The following SLITRK4 variants were observed in gnomAD, a reference collection of about 807,000 sequenced individuals.
SLITRK4 encodes the protein SLIT and NTRK like family member 4.
A neutral mutation model predicts 34.7 loss-of-function variants in SLITRK4; 7 were observed. That is an observed-to-expected ratio of 0.20 (90% CI 0.11 to 0.38). The LOEUF (loss-of-function observed/expected upper bound fraction) is 0.38, where lower values mean the gene tolerates loss of function less well. SLITRK4 is among the 10% of genes least tolerant of loss of function. The pLI, the probability that SLITRK4 is intolerant of heterozygous loss-of-function variation, is 1.00. For missense variants in SLITRK4, 474 were observed against 607.0 expected, an observed-to-expected ratio of 0.78 and a Z score of 2.30; for synonymous variants, 237 against 246.2, an observed-to-expected ratio of 0.96 and a Z score of 0.35.
At chrX:143,634,608 C>A (rs1931170385) in intron 1 of SLITRK4, 1 of 110,016 alleles carries the variant, frequency 9.1e-6, no homozygotes, top group South Asian at 3.9e-4. Context: ...CATGAGACCG[C>A]GTCGTAGGCA....
At chrX:143,635,156 C>CG (rs1263276535) in intron 1 of SLITRK4, 2 of 82,571 alleles carry the variant, frequency 2.4e-5, no homozygotes, top group Non-Finnish European at 4.7e-5. Context: ...CTCCACCACC[C>CG]CCCCCCACCC....
At position 143,630,293 on chromosome X, in the gene SLITRK4, C is replaced by G; in HGVS notation, c.816G>C (p.Val272=). 1 of 1,211,789 alleles carries G rather than the reference C, an allele frequency of 8.3e-7. No individual in the cohort carries two copies. The highest frequency in any genetic ancestry group is 1.1e-6 in the Non-Finnish European group (1 of 895,533). The change falls in exon 2 of 2, where the codon GTG becomes GTC. Residue 272 remains valine (V), a synonymous_variant. Transcript: ENST00000356928. ...CPMGTGSDFD[V]RILPPSQLEN... is the part of the protein sequence containing the mutation. ...CCAGCTGAGATGGAGGCAGGATGCG[C>G]ACGTCAAAATCACTGCCGGTGCCCA...
At chrX:143,632,201 G>A (rs1931061395) in intron 1 of SLITRK4, among the ~76,000 whole-genome samples, 1 of 111,618 alleles carries the variant, frequency 9.0e-6, no homozygotes, top group Admixed American at 9.5e-5. Flanking sequence ...CACCAAATAT[G>A]TTCAGTACAG....
chrX:143,629,929 C>T lies in SLITRK4; in HGVS notation c.1180G>A (p.Val394Ile), dbSNP rs140541543. The T allele has an allele frequency of 9.1e-6, 11 of 1,210,068 alleles. 1 individual carries two copies. Among genetic ancestry groups the T allele is most frequent in the South Asian group, 8.8e-5 (5 of 56,808 alleles). The change falls in exon 2 of 2, where the codon GTA becomes ATA. Residue 394 changes from valine to isoleucine, a missense_variant. Physicochemically the swap from Val to Ile is conservative, Grantham distance 29 (BLOSUM62 3). This residue lies in a region of SLITRK4 where 345 missense variants were observed against 406.5 expected (regional missense o/e 0.85). Transcript: ENST00000356928. ...CCTTCAAAGTCAGTGAAGTCTGATA[C>T]GTCCACATCCTTGATGCTATTGCCA... is the stretch of plus-strand genomic sequence containing the variant. ...VNGNSIKDVD[V>I]SDFTDFEGLD...
Position 143,627,897 on chromosome X carries a change from G to A in SLITRK4, c.*698C>T. The A allele has an allele frequency of 6.0e-6, 1 of 165,294 alleles. No homozygotes were observed. 13.6% of individuals were successfully genotyped at this position (165,294 alleles called of 1,213,427 possible). ...TCACAAATGCTATCTAACTCACGTT[G>A]ATTTTTTCTTTTAGATTTTTATGTA... On this transcript the variant is annotated 3_prime_UTR_variant, in exon 2 of 2. Coordinates refer to ENST00000356928, the MANE Select transcript of SLITRK4 (RefSeq NM_001184749.3).
rs1408368810 is a variant in SLITRK4 at position 143,624,915 on chromosome X, TA to T, written c.*3679del. On this transcript the variant is annotated 3_prime_UTR_variant, in exon 2 of 2. Coordinates refer to ENST00000356928, the MANE Select transcript of SLITRK4 (RefSeq NM_001184749.3). ...TCAAATCAGGGTAAAAACAATACAA[TA>T]TTTTTTTTACTTTATTTTAAAATAG... 2.7e-5 allele frequency: 3 copies of T among 111,396 alleles called. No individual in the cohort carries two copies. The highest frequency in any genetic ancestry group is 3.8e-5 in the Non-Finnish European group (2 of 52,793). 9.2% of individuals were successfully genotyped at this position (111,396 alleles called of 1,213,427 possible).
rs782529837 is a variant in SLITRK4 at position 143,630,494 on chromosome X, G to A, written c.615C>T (p.Val205=). The A allele has an allele frequency of 9.1e-6, 11 of 1,209,676 alleles. No homozygotes were observed. The highest frequency in any genetic ancestry group is 3.5e-5 in the South Asian group (2 of 56,798). ...GGTTATCTTCCAGTTGCAATTCAACGACACGGCCAATGTGTTCCAGAACCC... is the reference window on the plus strand; with the variant it reads ...GGTTATCTTCCAGTTGCAATTCAACAACACGGCCAATGTGTTCCAGAACCC... ...YIGVLEHIGR[V]VELQLEDNPW... Residue 205 remains valine (V), a synonymous_variant, in exon 2 of 2, where the codon GTC becomes GTT. Coordinates refer to ENST00000356928, the MANE Select transcript of SLITRK4 (RefSeq NM_001184749.3).
In SLITRK4 at chrX:143,623,947, C is replaced by T. The variant is rs1217714530; in HGVS notation, c.*4648G>A. ...AAATAAATAAAATAACACAATCCTACGGTGTATCTCCTCAGATGCATAAGG... is the reference window on the plus strand; with the variant it reads ...AAATAAATAAAATAACACAATCCTATGGTGTATCTCCTCAGATGCATAAGG... On this transcript the variant is annotated 3_prime_UTR_variant, in exon 2 of 2. Transcript: ENST00000356928. 2 of 111,837 alleles carry T rather than the reference C, an allele frequency of 1.8e-5. No individual in the cohort carries two copies. Among genetic ancestry groups the T allele is most frequent in the African/African-American group, 3.2e-5 (1 of 30,840 alleles). 9.2% of individuals were successfully genotyped at this position (111,837 alleles called of 1,213,427 possible). A position where few individuals can be genotyped will look rare whatever the true frequency, so the allele number is the denominator to read the frequency against.
intron 1 of SLITRK4, among the ~76,000 whole-genome samples, chrX:143,633,638 G>A (rs1254979182): frequency 9.0e-6 from 1 of 111,302 alleles, no homozygotes; most frequent in African/African-American, 3.3e-5. Context: ...GGAGAGAAGC[G>A]GCCTGAGGGG....
chrX:143,635,410 C>T (rs1469294948), intron 1 of SLITRK4, among the ~76,000 whole-genome samples: 2 of 103,135 alleles, frequency 1.9e-5, no homozygotes, highest in African/African-American at 7.1e-5. Flanking sequence ...GCGCACTCGC[C>T]TCCATCCCCC....
Position 143,627,922 on chromosome X carries a change from A to G in SLITRK4, c.*673T>C. ...GATTTTTTCTTTTAGATTTTTATGT[A>G]TAGACAGGTAATGCTTAAAGTGTTC... is the stretch of plus-strand genomic sequence containing the variant. On this transcript the variant is annotated 3_prime_UTR_variant, in exon 2 of 2. Transcript: ENST00000356928. 3 of 195,408 alleles carry G rather than the reference A, an allele frequency of 1.5e-5. No individual in the cohort carries two copies. The highest frequency in any genetic ancestry group is 2.8e-5 in the Non-Finnish European group (3 of 107,276). The allele number at this position is 195,408 out of a possible 1,213,427, so 16.1% of individuals were successfully genotyped here.
rs1233547855 is a variant in SLITRK4 at position 143,624,602 on chromosome X, A to G, written c.*3993T>C. 7.2e-5 allele frequency: 8 copies of G among 111,574 alleles called. No homozygotes were observed. The South Asian group carries it at 1.9e-3, about 26-fold the overall frequency. The allele number at this position is 111,574 out of a possible 1,213,427, so 9.2% of individuals were successfully genotyped here. A position where few individuals can be genotyped will look rare whatever the true frequency, so the allele number is the denominator to read the frequency against. On this transcript the variant is annotated 3_prime_UTR_variant, in exon 2 of 2. Transcript: ENST00000356928. Reference sequence around the variant, plus strand: ...TGAATATAAACAGTAGGCTAAAGCTATATCTTACCCTCAAATCTGGGTGAA... The same window carrying G: ...TGAATATAAACAGTAGGCTAAAGCTGTATCTTACCCTCAAATCTGGGTGAA...
In SLITRK4 at chrX:143,628,799, A is replaced by G. The variant is rs1569477727; in HGVS notation, c.2310T>C (p.Asn770=). 8.3e-7 allele frequency: 1 copy of G among 1,210,702 alleles called. No individual in the cohort carries two copies. Among genetic ancestry groups the G allele is most frequent in the Non-Finnish European group, 1.1e-6 (1 of 895,289 alleles). ...QNFLESKKEY[N]SIGVSGFEIR... ...TCTCAAAGCCACTGACACCTATGCT[A>G]TTATACTCCTTTTTGCTTTCAAGAA... Residue 770 remains asparagine, a synonymous_variant, in exon 2 of 2, where the codon AAT becomes AAC. Transcript: ENST00000356928.
rs1556426987 is a variant in SLITRK4 at position 143,629,795 on chromosome X, C to T, written c.1314G>A (p.Glu438=). The change falls in exon 2 of 2, where the codon GAG becomes GAA. Residue 438 remains glutamate (E), a synonymous_variant. Coordinates refer to ENST00000356928, the MANE Select transcript of SLITRK4 (RefSeq NM_001184749.3). Reference sequence around the variant, plus strand: ...CTGAAAATATTTCAGGATAGAGTCTCTCAATTTGATTGCCATTGAGATATA... The same window carrying T: ...CTGAAAATATTTCAGGATAGAGTCTTTCAATTTGATTGCCATTGAGATATA... ...RRLYLNGNQI[E]RLYPEIFSGL... is the part of the protein sequence containing the mutation. 1 of 1,209,907 alleles carries T rather than the reference C, an allele frequency of 8.3e-7. No homozygotes were observed. Among genetic ancestry groups the T allele is most frequent in the East Asian group, 3.0e-5 (1 of 33,803 alleles).
chrX:143,627,636 G>C lies in SLITRK4; in HGVS notation c.*959C>G, dbSNP rs1930838688. 4 of 111,032 alleles carry C rather than the reference G, an allele frequency of 3.6e-5. No homozygotes were observed. In the South Asian group the frequency reaches 1.5e-3, roughly 42 times the overall value. 9.2% of individuals were successfully genotyped at this position (111,032 alleles called of 1,213,427 possible). On this transcript the variant is annotated 3_prime_UTR_variant, in exon 2 of 2. Coordinates refer to ENST00000356928, the MANE Select transcript of SLITRK4 (RefSeq NM_001184749.3). ...CACTGTGATCAGGAAAACAAGTCAGGCATATTAAATACATATTAAGGAGTA... is the reference window on the plus strand; with the variant it reads ...CACTGTGATCAGGAAAACAAGTCAGCCATATTAAATACATATTAAGGAGTA...
In SLITRK4 at chrX:143,626,411, A is replaced by G. The variant is rs1556425459; in HGVS notation, c.*2184T>C. On this transcript the variant is annotated 3_prime_UTR_variant, in exon 2 of 2. Coordinates refer to ENST00000356928, the MANE Select transcript of SLITRK4 (RefSeq NM_001184749.3). The stretch of plus-strand genomic sequence containing the variant: ...GATGTCATAAAAATTAAAATTACAC[A>G]CTAAAGTTTTAAGAGCACCAGCACA... 1.8e-5 allele frequency: 2 copies of G among 110,873 alleles called. No homozygotes were observed. Among genetic ancestry groups the G allele is most frequent in the African/African-American group, 6.5e-5 (2 of 30,621 alleles). The allele number at this position is 110,873 out of a possible 1,213,427, so 9.1% of individuals were successfully genotyped here.
chrX:143,634,540 G>GGGGC lies in SLITRK4; in HGVS notation c.-51+1194_-51+1195insGCCC, dbSNP rs1491181854. 2.8e-3 allele frequency: 202 copies of GGGGC among 72,935 alleles called. 2 individuals are homozygous for GGGGC. Among genetic ancestry groups the GGGGC allele is most frequent in the South Asian group, 0.012 (18 of 1,443 alleles). 6.0% of individuals were successfully genotyped at this position (72,935 alleles called of 1,213,427 possible). A position where few individuals can be genotyped will look rare whatever the true frequency, so the allele number is the denominator to read the frequency against. On this transcript the variant is annotated intron_variant, in intron 1 of 1. Coordinates refer to ENST00000356928, the MANE Select transcript of SLITRK4 (RefSeq NM_001184749.3). ...CCGCCCTGGCCGCTTGGGGTATGGT[G>GGGGC]GGGGGGGGGGCGGGCAGCGATGCCA...
Position 143,628,586 on chromosome X carries a change from T to C in SLITRK4, c.*9A>G. On this transcript the variant is annotated 3_prime_UTR_variant, in exon 2 of 2. Coordinates refer to ENST00000356928, the MANE Select transcript of SLITRK4 (RefSeq NM_001184749.3). ...TAAATGTCCTCTGTATGAAGTAAGA[T>C]TACATGACCTAGATCTTGTTCAAAG... 5 of 1,151,514 alleles carry C rather than the reference T, an allele frequency of 4.3e-6. No homozygotes were observed. Among genetic ancestry groups the C allele is most frequent in the Non-Finnish European group, 5.8e-6 (5 of 863,589 alleles). The allele number at this position is 1,151,514 out of a possible 1,213,427, so 94.9% of individuals were successfully genotyped here.
Position 143,629,656 on chromosome X carries a change from G to A in SLITRK4, c.1453C>T (p.Leu485=). Residue 485 remains leucine (L), a synonymous_variant, in exon 2 of 2, where the codon CTA becomes TTA. Transcript: ENST00000356928. ...AAGATGTAAACAGGCAGGCTCTTTA[G>A]GAGATTATTGTTTAAGTACAGTAAC... The part of the protein sequence containing the change: ...LQLLYLNNNL[L]KSLPVYIFSG... The A allele has an allele frequency of 8.3e-7, 1 of 1,211,589 alleles. No individual in the cohort carries two copies. The highest frequency in any genetic ancestry group is 1.1e-6 in the Non-Finnish European group (1 of 895,508).
Sources: gnomAD v4.1 joint callset for allele counts (sites outside exome capture counted in the v4.1 genomes callset) on GRCh38, gnomAD v4.1.1 for gene constraint, gnomAD v4.1.1 regional missense constraint, MANE v1.5 for transcripts, NCBI Gene and HGNC (gene_info 2026-07-23, HGNC 2026-07-21) for gene names.